Variants in SPRED2 observed in about 807,000 individuals in gnomAD.
SPRED2 encodes sprouty-related, EVH1 domain-containing protein 2.
In SPRED2, 47 loss-of-function variants were observed where a neutral mutation model predicts 43.0. That is an observed-to-expected ratio of 1.09 (90% confidence interval 0.87 to 1.40). The LOEUF is 1.40. Among genes scored for constraint, SPRED2 ranks in the 40% most tolerant of loss-of-function variants. The pLI is 0.00. For synonymous variants in SPRED2, 225 were observed against 225.7 expected (o/e 1.00, Z 0.03); for missense variants, 561 against 586.4 (o/e 0.96, Z 0.45).
chr2:65,396,599 T>C (rs923579506), intron 1 of SPRED2, among the ~76,000 whole-genome samples: 2 of 152,230 alleles, frequency 1.3e-5, no homozygotes, highest in African/African-American at 4.8e-5. Flanking sequence ...GAACCAGCAC[T>C]GTAGTATAAC....
In SPRED2 at chr2:65,394,998, G is replaced by C. The variant is rs181676943; in HGVS notation, c.26+36964C>G. On this transcript the variant is annotated intron_variant, in intron 1 of 5. Coordinates refer to ENST00000356388, the MANE Select transcript of SPRED2 (RefSeq NM_181784.3). ...GGTTGGGGTTGATTCTAGTAGCAAG[G>C]GTACAAGAGATATCCGGTGGCCAGG... Among the ~76,000 whole-genome samples the C allele has an allele frequency of 3.9e-5, 6 of 152,136 alleles. No individual in the cohort carries two copies. The East Asian group carries it at 9.7e-4, about 25-fold the overall frequency.
intron 1 of SPRED2, among the ~76,000 whole-genome samples, chr2:65,390,121 T>C (rs1572888615): frequency 6.6e-6 from 1 of 152,298 alleles, no homozygotes; most frequent in Non-Finnish European, 1.5e-5. Context: ...AAATGTTTGA[T>C]GGTCTGGGCA....
At chr2:65,401,073 T>C (rs2103722448) in intron 1 of SPRED2, among the ~76,000 whole-genome samples, 1 of 152,282 alleles carries the variant, frequency 6.6e-6, no homozygotes, top group East Asian at 1.9e-4. Flanking sequence ...GTTCAAGTGA[T>C]TCTTCTGCCT....
At chr2:65,378,014 T>A (rs569795825) in intron 1 of SPRED2, 1 of 237,486 alleles carries the variant, frequency 4.2e-6, no homozygotes, top group East Asian at 9.5e-5. Context: ...CTCTGTAACA[T>A]GTCAAGATCC....
chr2:65,338,678 C>T (rs1452649771), intron 2 of SPRED2, among the ~76,000 whole-genome samples: 2 of 151,556 alleles, frequency 1.3e-5, no homozygotes, highest in Non-Finnish European at 1.5e-5. Flanking sequence ...CCTGCCTTGG[C>T]CCCCCAAAGT....
At chr2:65,318,384 T>A (rs930600719) in intron 4 of SPRED2, among the ~76,000 whole-genome samples, 4 of 151,906 alleles carry the variant, frequency 2.6e-5, no homozygotes, top group African/African-American at 9.7e-5. Context: ...GTGGTGGTCA[T>A]ACTCCACAAC....
chr2:65,323,720 C>G (rs1478746212), intron 4 of SPRED2, among the ~76,000 whole-genome samples: 1 of 151,820 alleles, frequency 6.6e-6, no homozygotes, highest in Non-Finnish European at 1.5e-5. Flanking sequence ...ACTAAAAATA[C>G]AAAAAATTAG....
At chr2:65,368,128 C>T (rs1160255806) in intron 1 of SPRED2, among the ~76,000 whole-genome samples, 1 of 152,180 alleles carries the variant, frequency 6.6e-6, no homozygotes, top group Non-Finnish European at 1.5e-5. Context: ...TGCATGGCCC[C>T]CTTAGTCCTG....
chr2:65,410,686 G>A (rs187802009), intron 1 of SPRED2, among the ~76,000 whole-genome samples: 3,130 of 151,414 alleles, frequency 0.021, 121 homozygotes, highest in African/African-American at 0.072. Flanking sequence ...GTGAACCCGC[G>A]AGGCGGAGCT....
rs554381175 is a variant in SPRED2, at chr2:65,316,559, A to C, written c.588+175T>G. ...GCAAGGTGTCTGGCACACAGAAAAC[A>C]CTGGATGAGGCTGAGGTGCCACCAC... On this transcript the variant is annotated intron_variant, in intron 5 of 5. Coordinates refer to ENST00000356388, the MANE Select transcript of SPRED2 (RefSeq NM_181784.3). 2.0e-5 allele frequency among the ~76,000 whole-genome samples: 3 copies of C among 152,320 alleles called. No individual in the cohort carries two copies. In the South Asian group the frequency reaches 6.2e-4, roughly 32 times the overall value.
intron 1 of SPRED2, among the ~76,000 whole-genome samples, chr2:65,355,504 G>A (rs1474974234): frequency 1.3e-5 from 2 of 152,106 alleles, no homozygotes; most frequent in Non-Finnish European, 2.9e-5. Flanking sequence ...ATCACCCAAG[G>A]TCAGGAGTTT....
At chr2:65,401,933 G>GCACA (rs141434693) in intron 1 of SPRED2, among the ~76,000 whole-genome samples, 1,768 of 83,708 alleles carry the variant, frequency 0.021, 34 homozygotes, top group Admixed American at 0.035. Flanking sequence ...ATTAGCGCGC[G>GCACA]CGCGCACACA....
At chr2:65,330,552 C>T (rs945763557) in intron 4 of SPRED2, among the ~76,000 whole-genome samples, 87 of 152,152 alleles carry the variant, frequency 5.7e-4, no homozygotes, top group African/African-American at 4.1e-4. Flanking sequence ...CCCACACATG[C>T]AAAGTCCCCC....
At chr2:65,414,592 T>C (rs904391532) in intron 1 of SPRED2, among the ~76,000 whole-genome samples, 2 of 152,246 alleles carry the variant, frequency 1.3e-5, no homozygotes, top group Admixed American at 1.3e-4. Context: ...GACCCAGCTC[T>C]GCTGTTTGCT....
chr2:65,352,171 G>A (rs1443248169), intron 1 of SPRED2, among the ~76,000 whole-genome samples: 1 of 152,266 alleles, frequency 6.6e-6, no homozygotes, highest in East Asian at 1.9e-4. Context: ...AAAGATGCCA[G>A]ATCTGGCAGT....
In SPRED2 at chr2:65,314,012, G is replaced by GT; in HGVS notation, c.745_746insA (p.Ser249TyrfsTer15). 1 of 1,614,030 alleles carries GT rather than the reference G, an allele frequency of 6.2e-7. No homozygotes were observed. Among genetic ancestry groups the GT allele is most frequent in the Non-Finnish European group, 8.5e-7 (1 of 1,180,034 alleles). On this transcript the variant is annotated frameshift_variant, in exon 6 of 6. Coordinates refer to ENST00000356388, the MANE Select transcript of SPRED2 (RefSeq NM_181784.3). LOFTEE classifies it high-confidence loss of function. Reference sequence around the variant, plus strand: ...GCCCTTGGCGAAGCGCACGTAGGAGGAGTCCGCGTCCTCCGAGGGGTCCGG... The same window carrying GT: ...GCCCTTGGCGAAGCGCACGTAGGAGGTAGTCCGCGTCCTCCGAGGGGTCCGG...
intron 1 of SPRED2, among the ~76,000 whole-genome samples, chr2:65,425,136 A>G (rs1012678112): frequency 6.6e-6 from 1 of 152,268 alleles, no homozygotes; most frequent in African/African-American, 2.4e-5. Context: ...CAGATGAACA[A>G]ATGAAAGTCA....
At chr2:65,332,136 C>T (rs763339682) in intron 3 of SPRED2, 85 bp from the exon 4 acceptor site, 59 of 824,016 alleles carry the variant, frequency 7.2e-5, no homozygotes, top group Non-Finnish European at 1.1e-4. Flanking sequence ...TTTAATAAAA[C>T]CACATTCCAT....
At chr2:65,315,830 T>C (rs1197180381) in intron 5 of SPRED2, among the ~76,000 whole-genome samples, 1 of 152,182 alleles carries the variant, frequency 6.6e-6, no homozygotes, top group Non-Finnish European at 1.5e-5. Flanking sequence ...AGCTAATTTT[T>C]TGTATTTTTA....
Sources: gnomAD v4.1 joint callset for allele counts (sites outside exome capture counted in the v4.1 genomes callset) on GRCh38, gnomAD v4.1.1 for gene constraint, MANE v1.5 for transcripts, NCBI Gene and HGNC (gene_info 2026-07-23, HGNC 2026-07-21) for gene names.